The following USH1C variants were observed in gnomAD, a reference collection of about 807,000 sequenced individuals.
USH1C encodes the protein USH1 protein network component harmonin, also known as harmonin.
A neutral mutation model predicts 119.3 loss-of-function variants in USH1C; 90 were observed. That is an observed-to-expected ratio of 0.75 (90% CI 0.64 to 0.90). The LOEUF (loss-of-function observed/expected upper bound fraction) is 0.90, where lower values mean the gene tolerates loss of function less well. Among genes scored for constraint, USH1C ranks in the 40% least tolerant of loss-of-function variants. The pLI is 0.00. For synonymous variants in USH1C, 465 were observed against 443.3 expected, an observed-to-expected ratio of 1.05 and a Z score of -0.62; for missense variants, 1,165 against 1,167.7, an observed-to-expected ratio of 1.00 and a Z score of 0.03.
At chr11:17,512,689 G>A (rs578108157) in intron 15 of USH1C, among the ~76,000 whole-genome samples, 1 of 152,120 alleles carries the variant, frequency 6.6e-6, no homozygotes, top group Admixed American at 6.5e-5. Flanking sequence ...GATTTTACCC[G>A]CATGCTTAAG....
At chr11:17,508,996 T>C (rs1849753665) in intron 18 of USH1C, among the ~76,000 whole-genome samples, 1 of 152,212 alleles carries the variant, frequency 6.6e-6, no homozygotes, top group South Asian at 2.1e-4. Flanking sequence ...AGGAAGTGAC[T>C]GGATGTGACA....
rs779846750 is a variant in USH1C, at chr11:17,531,235, C to T, written c.306G>A (p.Val102=). ...RLHPEGLGLS[V]RGGLEFGCGL... ...CACAGCCAAACTCCAGGCCACCACG[C>T]ACACTCAGGCCGAGGCCTTCGGGGT... is the stretch of plus-strand genomic sequence containing the variant. The change falls in exon 4 of 27, where the codon GTG becomes GTA. Residue 102 remains valine (V), a synonymous_variant. Transcript: ENST00000005226. This position sits in a 1 kb window ranked among gnomAD's most constrained non-coding sequence, Gnocchi z 4.2. 6.2e-7 allele frequency: 1 copy of T among 1,614,196 alleles called. No individual in the cohort carries two copies. The highest frequency in any genetic ancestry group is 8.5e-7 in the Non-Finnish European group (1 of 1,180,048).
rs1279718019 is a variant in USH1C, at chr11:17,509,789, G to C, written c.1580C>G (p.Pro527Arg). Residue 527 changes from proline (P) to arginine (R), a missense_variant, in exon 18 of 27, where the codon CCA (proline) becomes CGA (arginine). Coordinates refer to ENST00000005226, the MANE Select transcript of USH1C (RefSeq NM_153676.4). ...PPPPSVSPLA[P>R]PLRRFAGGLH... Reference sequence around the variant, plus strand: ...TCCGCCTGCGAAGCGTCTCAAGGGTGGGGCCAGGGGAGACACAGAAGGCGG... The same window carrying C: ...TCCGCCTGCGAAGCGTCTCAAGGGTCGGGCCAGGGGAGACACAGAAGGCGG... 1.9e-6 allele frequency: 3 copies of C among 1,601,116 alleles called. No individual in the cohort carries two copies. Among genetic ancestry groups the C allele is most frequent in the Non-Finnish European group, 2.5e-6 (3 of 1,179,406 alleles).
At chr11:17,506,055 AGCCAGCCTG>A in intron 18 of USH1C, 106 bp from the exon 19 acceptor site, 1 of 1,544,388 alleles carries the variant, frequency 6.5e-7, no homozygotes, top group South Asian at 1.1e-5. Context: ...GCATATGTGA[AGCCAGCCTG>A]GTCATTCAAC....
intron 7 of USH1C, 145 bp downstream of exon 7, chr11:17,526,608 C>T: frequency 8.8e-7 from 1 of 1,132,636 alleles, no homozygotes; most frequent in Non-Finnish European, 1.3e-6. Flanking sequence ...AGGGCTGCTG[C>T]CCCACAGCGG....
intron 26 of USH1C, among the ~76,000 whole-genome samples, chr11:17,495,345 A>G (rs1196505010): frequency 6.6e-6 from 1 of 152,304 alleles, no homozygotes; most frequent in South Asian, 2.1e-4. Context: ...CTGGGTCCCA[A>G]GCAAGTACTA....
rs138138689 is a variant in USH1C, at chr11:17,527,222, C to A, written c.496+1G>T. ...TACTGCCCTGCTCTGGCCTCACTCA[C>A]GTCTCACTTTGATGGACACAGTTTT... On this transcript the variant is annotated splice_donor_variant, in intron 5 of 26. Transcript: ENST00000005226. LOFTEE classifies it high-confidence loss of function. 32 of 1,499,138 alleles carry A rather than the reference C, an allele frequency of 2.1e-5. No individual in the cohort carries two copies. Among genetic ancestry groups the A allele is most frequent in the Non-Finnish European group, 2.8e-5 (31 of 1,105,910 alleles). The allele number at this position is 1,499,138 out of a possible 1,614,324, so 92.9% of individuals were successfully genotyped here.
At chr11:17,508,749 T>C (rs1330234917) in intron 18 of USH1C, among the ~76,000 whole-genome samples, 2 of 152,234 alleles carry the variant, frequency 1.3e-5, no homozygotes, top group East Asian at 3.8e-4. Context: ...CTCTCTCATC[T>C]TCATTTTTTC....
At chr11:17,512,783 C>T (rs1849951692) in intron 15 of USH1C, among the ~76,000 whole-genome samples, 1 of 152,188 alleles carries the variant, frequency 6.6e-6, no homozygotes, top group Non-Finnish European at 1.5e-5. Flanking sequence ...CTGGAAACTG[C>T]AGGACTGGGA....
At chr11:17,535,272 T>G (rs1250684329) in intron 1 of USH1C, among the ~76,000 whole-genome samples, 1 of 152,164 alleles carries the variant, frequency 6.6e-6, no homozygotes, top group Non-Finnish European at 1.5e-5. Context: ...TACAAAGTCC[T>G]CCTTTCAGTT....
intron 14 of USH1C, 21 bp downstream of exon 14, chr11:17,520,849 C>T: frequency 6.2e-7 from 1 of 1,614,066 alleles, no homozygotes; most frequent in Non-Finnish European, 8.5e-7. Flanking sequence ...TTAGCCTCTC[C>T]CCTCGGCTCA....
chr11:17,533,455 G>A (rs1851087840), intron 1 of USH1C, 133 bp from the exon 2 acceptor site: 1 of 730,948 alleles, frequency 1.4e-6, no homozygotes, highest in Admixed American at 2.0e-5. Context: ...GAGAGAAGAG[G>A]AGCCACAGGC....
intron 1 of USH1C, among the ~76,000 whole-genome samples, chr11:17,534,517 A>G (rs1035582773): frequency 2.0e-5 from 3 of 152,322 alleles, no homozygotes; most frequent in South Asian, 2.1e-4. Flanking sequence ...TTTAGTTGCT[A>G]CAGAAGTTCA....
rs904784338 is a variant in USH1C, at chr11:17,498,188, G to A, written c.2464C>T (p.Leu822=). 1 of 1,614,174 alleles carries A rather than the reference G, an allele frequency of 6.2e-7. No individual in the cohort carries two copies. Among genetic ancestry groups the A allele is most frequent in the South Asian group, 1.1e-5 (1 of 91,068 alleles). The change falls in exon 24 of 27, where the codon CTG becomes TTG. Residue 822 remains leucine, a synonymous_variant. Coordinates refer to ENST00000005226, the MANE Select transcript of USH1C (RefSeq NM_153676.4). The part of the protein sequence containing the change: ...DYTLAEAEAA[L]QKAWNQGGDW... ...CCGCCCTGATTCCAGGCCTTCTGCA[G>A]GGCAGCCTCAGCCTCAGCCAGGGTG...
rs72870313 is a variant in USH1C at position 17,522,557 on chromosome 11, G to A, written c.1019+227C>T. ...TAGGATGCTTATTTTCCATATTCTT[G>A]GAATGTTGGAAGACAGGGGGCTCTG... On this transcript the variant is annotated intron_variant, in intron 12 of 26. Transcript: ENST00000005226. 0.033 allele frequency among the ~76,000 whole-genome samples: 5,050 copies of A among 152,260 alleles called. 131 individuals are homozygous for A. Among genetic ancestry groups the A allele is most frequent in the Non-Finnish European group, 0.054 (3,674 of 68,016 alleles).
intron 1 of USH1C, among the ~76,000 whole-genome samples, chr11:17,536,312 C>G (rs1409120013): frequency 6.6e-6 from 1 of 152,242 alleles, no homozygotes; most frequent in African/African-American, 2.4e-5. Flanking sequence ...CCTCTTATCC[C>G]TCTTTGCAGA....
Position 17,526,522 on chromosome 11 carries a change from G to A in USH1C, c.580-81C>T, listed in dbSNP as rs564105101. ...CTTGAGCTTGTGGGATCTGCAGGGC[G>A]AGCACTGCTGAACTCACGCCAGCCA... On this transcript the variant is annotated intron_variant, in intron 7 of 26. Coordinates refer to ENST00000005226, the MANE Select transcript of USH1C (RefSeq NM_153676.4). 201 of 1,286,436 alleles carry A rather than the reference G, an allele frequency of 1.6e-4. No individual in the cohort carries two copies. The African/African-American group carries it at 2.5e-3, about 16-fold the overall frequency. The allele number at this position is 1,286,436 out of a possible 1,614,324, so 79.7% of individuals were successfully genotyped here.
chr11:17,510,349 A>G, intron 17 of USH1C, 56 bp downstream of exon 17: 1 of 1,445,472 alleles, frequency 6.9e-7, no homozygotes, highest in Non-Finnish European at 9.7e-7. Context: ...CTGTCCCCAC[A>G]GTGGGTCATT....
chr11:17,532,901 G>A (rs188857320), intron 2 of USH1C, among the ~76,000 whole-genome samples: 343 of 152,256 alleles, frequency 2.3e-3, no homozygotes, highest in Middle Eastern at 6.8e-3. Context: ...GTGGGTGATC[G>A]GAGACATCTG....
Sources: allele counts gnomAD v4.1 joint callset (sites outside exome capture counted in the v4.1 genomes callset), GRCh38; gene constraint gnomAD v4.1.1; non-coding constraint Gnocchi (gnomAD v3.1); transcripts MANE v1.5; gene names NCBI Gene and HGNC (gene_info 2026-07-23, HGNC 2026-07-21).